SEMA6D: variants seen among roughly 807,000 people sequenced by gnomAD.
SEMA6D encodes semaphorin 6D, also known as semaphorin-6D.
Under a neutral mutation model 106.6 loss-of-function variants are expected in SEMA6D, and 35 were observed. The observed-to-expected ratio is 0.33, with a 90% CI of 0.25 to 0.44. The LOEUF (loss-of-function observed/expected upper bound fraction) is 0.44, where lower values mean the gene tolerates loss of function less well. SEMA6D is among the 20% of genes least tolerant of loss of function. SEMA6D has a pLI of 1.00. For synonymous variants in SEMA6D, 499 were observed against 487.7 expected (o/e 1.02, Z -0.31); for missense variants, 1,185 against 1,345.9 (o/e 0.88, Z 1.87).
intron 1 of SEMA6D, among the ~76,000 whole-genome samples, chr15:47,322,093 G>A (rs573678782): frequency 6.6e-6 from 1 of 152,222 alleles, no homozygotes; most frequent in South Asian, 2.1e-4. Context: ...AAGGCAGGCG[G>A]ATGGCAATTT....
chr15:47,191,615 A>T (rs545755801), intron 1 of SEMA6D, among the ~76,000 whole-genome samples: 2 of 152,324 alleles, frequency 1.3e-5, no homozygotes, highest in African/African-American at 4.8e-5. Context: ...ATAAGAAATG[A>T]CTATTAAAAA....
intron 1 of SEMA6D, among the ~76,000 whole-genome samples, chr15:47,327,545 T>A (rs2037178504): frequency 6.6e-6 from 1 of 152,252 alleles, no homozygotes; most frequent in Non-Finnish European, 1.5e-5. Context: ...ATCTTTGTAT[T>A]TACCATACAA....
At chr15:47,609,284 G>T (rs1176053707) in intron 4 of SEMA6D, among the ~76,000 whole-genome samples, 1 of 152,150 alleles carries the variant, frequency 6.6e-6, no homozygotes, top group Admixed American at 6.6e-5. Flanking sequence ...AGATATAGAG[G>T]GAAGGATATG....
intron 1 of SEMA6D, among the ~76,000 whole-genome samples, chr15:47,273,162 G>A (rs1207606894): frequency 6.6e-6 from 1 of 151,998 alleles, no homozygotes; most frequent in Non-Finnish European, 1.5e-5. Context: ...AAGGCAAGAT[G>A]TGCTCTTAGT....
chr15:47,645,254 G>A (rs2077560367), intron 4 of SEMA6D, among the ~76,000 whole-genome samples: 1 of 152,176 alleles, frequency 6.6e-6, no homozygotes, highest in Non-Finnish European at 1.5e-5. Context: ...TGTGGAAAAT[G>A]AGCGTCACTT....
intron 4 of SEMA6D, among the ~76,000 whole-genome samples, chr15:47,664,328 CTG>C (rs1248648744): frequency 1.3e-5 from 2 of 152,254 alleles, no homozygotes; most frequent in Non-Finnish European, 2.9e-5. Flanking sequence ...TATATAATAA[CTG>C]AGCTCTGTTT....
chr15:47,193,038 C>T (rs1449735692), intron 1 of SEMA6D, among the ~76,000 whole-genome samples: 2 of 152,150 alleles, frequency 1.3e-5, no homozygotes, highest in Non-Finnish European at 2.9e-5. Context: ...GGATCATTGC[C>T]TTATCTCCCA....
In SEMA6D at chr15:47,771,080, G is replaced by A. The variant is rs375937817; in HGVS notation, c.2517G>A (p.Thr839=). Residue 839 remains threonine, a synonymous_variant, in exon 19 of 19, where the codon ACG becomes ACA. Coordinates refer to ENST00000536845, the MANE Select transcript of SEMA6D (RefSeq NM_001358351.3). ...CAAATGCTACCCATGACTACAACAC[G>A]TCTTTCTCAAACTCCAATGCTCACA... ...VLPNATHDYN[T]SFSNSNAHKA... 9.0e-5 allele frequency: 146 copies of A among 1,613,946 alleles called. 1 individual carries two copies. The highest frequency in any genetic ancestry group is 6.7e-5 in the African/African-American group (5 of 74,890).
At chr15:47,574,412 T>G (rs2076119917) in intron 3 of SEMA6D, among the ~76,000 whole-genome samples, 1 of 152,224 alleles carries the variant, frequency 6.6e-6, no homozygotes, top group Admixed American at 6.5e-5. Context: ...TTCTCCCATT[T>G]GGTTGAAACC....
chr15:47,521,099 C>A (rs1185503566), intron 3 of SEMA6D, among the ~76,000 whole-genome samples: 1 of 152,136 alleles, frequency 6.6e-6, no homozygotes, highest in Non-Finnish European at 1.5e-5. Flanking sequence ...GACAAGATGG[C>A]AGTTGTGCCC....
chr15:47,227,975 T>TTTATATGTAAGAATCTTATATATATTTTA (rs1566938531), intron 1 of SEMA6D, among the ~76,000 whole-genome samples: 4 of 141,850 alleles, frequency 2.8e-5, no homozygotes, highest in African/African-American at 1.0e-4. Flanking sequence ...TATATATATT[T>TTTATATGTAAGAATCTTATATATATTTTA]TATATATATA....
chr15:47,768,796 C>T, intron 18 of SEMA6D, 48 bp downstream of exon 18: 1 of 1,559,894 alleles, frequency 6.4e-7, no homozygotes, highest in Non-Finnish European at 8.7e-7. Context: ...GAAACCTGAT[C>T]CTTAATGTCA....
At chr15:47,597,848 C>CGT (rs1555396077) in intron 3 of SEMA6D, among the ~76,000 whole-genome samples, 2 of 148,716 alleles carry the variant, frequency 1.3e-5, no homozygotes, top group African/African-American at 4.9e-5. Flanking sequence ...ATCATTCATA[C>CGT]ATATATATAT....
At chr15:47,541,636 C>G (rs1242776587) in intron 3 of SEMA6D, among the ~76,000 whole-genome samples, 2 of 152,162 alleles carry the variant, frequency 1.3e-5, no homozygotes, top group South Asian at 4.1e-4. Flanking sequence ...GGTCTTTCCC[C>G]TTTGCAAAAT....
At chr15:47,480,548 A>G (rs1452144058) in intron 3 of SEMA6D, among the ~76,000 whole-genome samples, 1 of 151,994 alleles carries the variant, frequency 6.6e-6, no homozygotes, top group Non-Finnish European at 1.5e-5. Context: ...TCCTTGGCTT[A>G]TGTTATCCCA....
intron 3 of SEMA6D, among the ~76,000 whole-genome samples, chr15:47,577,459 A>G (rs1351713903): frequency 6.6e-6 from 1 of 152,226 alleles, no homozygotes; most frequent in Admixed American, 6.5e-5. Flanking sequence ...AAAAAGAGAT[A>G]ATTTGCAAGT....
chr15:47,195,638 G>A (rs749601870), intron 1 of SEMA6D, among the ~76,000 whole-genome samples: 2 of 151,840 alleles, frequency 1.3e-5, no homozygotes, highest in Non-Finnish European at 1.5e-5. Context: ...TCACTCTCAC[G>A]GGAGACTTTC....
intron 1 of SEMA6D, among the ~76,000 whole-genome samples, chr15:47,325,499 G>C (rs1395328066): frequency 6.6e-6 from 1 of 152,190 alleles, no homozygotes; most frequent in African/African-American, 2.4e-5. Context: ...TCCAAGCTCT[G>C]TCAGTATTAT....
intron 1 of SEMA6D, among the ~76,000 whole-genome samples, chr15:47,186,999 A>G (rs1893621856): frequency 1.3e-5 from 2 of 151,750 alleles, no homozygotes; most frequent in African/African-American, 4.8e-5. Flanking sequence ...ACTTGTTCAT[A>G]AAGAAAAAAA....
Sources: gnomAD v4.1 joint callset for allele counts (sites outside exome capture counted in the v4.1 genomes callset) on GRCh38, gnomAD v4.1.1 for gene constraint, MANE v1.5 for transcripts, NCBI Gene and HGNC (gene_info 2026-07-23, HGNC 2026-07-21) for gene names.